The following ALK variants were observed in gnomAD, a reference collection of about 807,000 sequenced individuals.
ALK encodes the protein ALK tyrosine kinase receptor.
ALK carries 74 observed loss-of-function variants against 163.1 expected under a neutral mutation model. That is an observed-to-expected ratio of 0.45 (90% CI 0.38 to 0.55). ALK has a LOEUF of 0.55. Among genes scored for constraint, ALK ranks in the 20% least tolerant of loss-of-function variants. The pLI is 0.00. For synonymous variants in ALK, 960 were observed against 843.2 expected (o/e 1.14, Z -2.40); for missense variants, 2,063 against 2,105.3 (o/e 0.98, Z 0.39).
chr2:29,238,893 C>T (rs1664450463), intron 13 of ALK, among the ~76,000 whole-genome samples: 1 of 152,210 alleles, frequency 6.6e-6, no homozygotes, highest in Admixed American at 6.5e-5. Flanking sequence ...CGTGAAAAGA[C>T]ATAACTGATT....
chr2:29,310,113 A>G (rs1052628446), intron 8 of ALK, among the ~76,000 whole-genome samples: 6 of 152,174 alleles, frequency 3.9e-5, no homozygotes, highest in Non-Finnish European at 8.8e-5. Flanking sequence ...TTGAGGTCAT[A>G]TGGCTCCTCA....
chr2:29,537,814 G>A (rs1673301268), intron 3 of ALK, among the ~76,000 whole-genome samples: 2 of 152,260 alleles, frequency 1.3e-5, no homozygotes, highest in Non-Finnish European at 2.9e-5. Flanking sequence ...TAGGGGTGGA[G>A]CTGCCTAAGG....
At chr2:29,897,714 T>G (rs527546676) in intron 1 of ALK, among the ~76,000 whole-genome samples, 2 of 152,196 alleles carry the variant, frequency 1.3e-5, no homozygotes, top group Non-Finnish European at 2.9e-5. Flanking sequence ...ATTGTGTAAC[T>G]CAATCCTATT....
intron 1 of ALK, among the ~76,000 whole-genome samples, chr2:29,816,363 C>G (rs552844975): frequency 4.6e-5 from 7 of 152,248 alleles, no homozygotes; most frequent in African/African-American, 1.7e-4. Context: ...CGGGTTGTTG[C>G]ATCGATGAGA....
At position 29,384,769 on chromosome 2, in the gene ALK, A is replaced by G. The variant is rs900488776; in HGVS notation, c.1155-910T>C. Among the ~76,000 whole-genome samples the G allele has an allele frequency of 2.6e-5, 4 of 152,148 alleles. No homozygotes were observed. The South Asian group carries it at 8.3e-4, about 32-fold the overall frequency. ...CTTAAAAACAATTTTATTGAGGTAT[A>G]ATTGATGTATAATAAATTACATGTA... On this transcript the variant is annotated intron_variant, in intron 4 of 28. Transcript: ENST00000389048.
chr2:29,196,947 A>G lies in ALK; in HGVS notation c.4074-87T>C, dbSNP rs2148142269. 9 of 1,160,422 alleles carry G rather than the reference A, an allele frequency of 7.8e-6. No individual in the cohort carries two copies. In the South Asian group the frequency reaches 1.0e-4, roughly 13 times the overall value. 71.9% of individuals were successfully genotyped at this position (1,160,422 alleles called of 1,614,324 possible). A position where few individuals can be genotyped will look rare whatever the true frequency, so the allele number is the denominator to read the frequency against. ...TTCCAGCCCCAGGGTTGCAACGAATACGTTGAGGGTGCGAACTCGTCTAGG... is the reference window on the plus strand; with the variant it reads ...TTCCAGCCCCAGGGTTGCAACGAATGCGTTGAGGGTGCGAACTCGTCTAGG... On this transcript the variant is annotated intron_variant, in intron 27 of 28. Transcript: ENST00000389048.
At chr2:29,897,403 T>C (rs1377124249) in intron 1 of ALK, among the ~76,000 whole-genome samples, 1 of 151,348 alleles carries the variant, frequency 6.6e-6, no homozygotes. Context: ...AAAAGGAGAG[T>C]ACATTCACAT....
intron 1 of ALK, among the ~76,000 whole-genome samples, chr2:29,789,888 C>T (rs965888190): frequency 1.3e-5 from 2 of 152,188 alleles, no homozygotes; most frequent in African/African-American, 4.8e-5. Flanking sequence ...CATGGCCCCT[C>T]CAGGCCTCAG....
chr2:29,777,475 A>G lies in ALK; in HGVS notation c.668-59778T>C, dbSNP rs113997881. On this transcript the variant is annotated intron_variant, in intron 1 of 28. Coordinates refer to ENST00000389048, the MANE Select transcript of ALK (RefSeq NM_004304.5). ...CTACATCCCCTCTTGCCATCCATCT[A>G]TTTTGCTTATTGCTAGGTACCTAGG... is the stretch of plus-strand genomic sequence containing the variant. 5.4e-3 allele frequency among the ~76,000 whole-genome samples: 818 copies of G among 152,086 alleles called. 12 individuals carry two copies. The highest frequency in any genetic ancestry group is 0.018 in the African/African-American group (762 of 41,486).
rs1553386863 is a variant in ALK at position 29,193,343 on chromosome 2, C to T, written c.4744G>A (p.Val1582Ile). The change falls in exon 29 of 29, where the codon GTC becomes ATC. Residue 1582 changes from valine (V) to isoleucine (I), a missense_variant. This residue lies in a region of ALK where 403 missense variants were observed against 366.2 expected (regional missense o/e 1.10). Transcript: ENST00000389048. ...CCCTGTTGCTGGTAGCCGTAATTGACATTCCCACAAGGGAAGTGACGTAGC... is the reference window on the plus strand; with the variant it reads ...CCCTGTTGCTGGTAGCCGTAATTGATATTCCCACAAGGGAAGTGACGTAGC... ...FRLRHFPCGN[V>I]NYGYQQQGLP... The T allele has an allele frequency of 2.5e-6, 4 of 1,614,086 alleles. No individual in the cohort carries two copies. Among genetic ancestry groups the T allele is most frequent in the African/African-American group, 1.3e-5 (1 of 74,928 alleles).
intron 3 of ALK, among the ~76,000 whole-genome samples, chr2:29,669,758 T>C (rs1176010655): frequency 2.0e-5 from 3 of 152,072 alleles, no homozygotes; most frequent in African/African-American, 2.4e-5. Context: ...GATTCTACTA[T>C]AGGTTTTTAC....
At chr2:29,275,363 G>C (rs777924716) in intron 10 of ALK, 39 bp downstream of exon 10, 9 of 1,611,530 alleles carry the variant, frequency 5.6e-6, no homozygotes, top group Non-Finnish European at 7.6e-6. Context: ...TGGGCCATGG[G>C]GGTTGGGGGA....
Position 29,193,565 on chromosome 2 carries a change from C to T in ALK, c.4522G>A (p.Gly1508Ser), listed in dbSNP as rs764315254. ...GTGGGTTTCTCTGTAAACCAGGAGC[C>T]GTACGTTGGGTTCCACAAGCTGGTG... Reference protein sequence around the residue: ...KPTSLWNPTYGSWFTEKPTKK... With the variant: ...KPTSLWNPTYSSWFTEKPTKK... The change falls in exon 29 of 29, where the codon GGC becomes AGC. Residue 1508 changes from glycine (G) to serine (S), a missense_variant. Gly to Ser is a moderately conservative substitution (Grantham distance 56, BLOSUM62 0). This residue lies in a region of ALK where 403 missense variants were observed against 366.2 expected (regional missense o/e 1.10). Transcript: ENST00000389048. 8.7e-6 allele frequency: 14 copies of T among 1,614,070 alleles called. No homozygotes were observed. The East Asian group carries it at 8.9e-5, about 10-fold the overall frequency.
rs181094697 is a variant in ALK at position 29,403,921 on chromosome 2, A to T, written c.1155-20062T>A. Among the ~76,000 whole-genome samples the T allele has an allele frequency of 3.3e-3, 505 of 151,952 alleles. 3 individuals carry two copies. The highest frequency in any genetic ancestry group is 9.4e-3 in the South Asian group (45 of 4,772). Reference sequence around the variant, plus strand: ...AGAGAGACCCTGTCTCAAAAAAAAAATTTTTTTATTGACTCCTGAAGTAAA... The same window carrying T: ...AGAGAGACCCTGTCTCAAAAAAAAATTTTTTTTATTGACTCCTGAAGTAAA... On this transcript the variant is annotated intron_variant, in intron 4 of 28. Transcript: ENST00000389048.
In ALK at chr2:29,281,008, C is replaced by T. The variant is rs550730049; in HGVS notation, c.1818-5512G>A. Among the ~76,000 whole-genome samples, 19 of 152,126 alleles carry T rather than the reference C, an allele frequency of 1.2e-4. No homozygotes were observed. The South Asian group carries it at 3.7e-3, about 30-fold the overall frequency. ...TCTAGTATGTACCAGGTGATCCATT[C>T]TGGGATTGAAGAAAAGTTCTGGCAT... On this transcript the variant is annotated intron_variant, in intron 9 of 28. Transcript: ENST00000389048.
intron 1 of ALK, among the ~76,000 whole-genome samples, chr2:29,782,341 G>A (rs1224528680): frequency 1.3e-5 from 2 of 152,090 alleles, no homozygotes; most frequent in East Asian, 3.9e-4. Context: ...GTTTCTTCAT[G>A]GGACTCCATC....
intron 4 of ALK, among the ~76,000 whole-genome samples, chr2:29,401,844 C>A (rs902819046): frequency 6.6e-6 from 1 of 152,078 alleles, no homozygotes; most frequent in Non-Finnish European, 1.5e-5. Flanking sequence ...AATTATTGAG[C>A]CCAGAGGTAA....
intron 8 of ALK, among the ~76,000 whole-genome samples, chr2:29,309,441 G>A (rs75090281): frequency 0.15 from 22,177 of 152,218 alleles, 1,785 homozygotes; most frequent in Non-Finnish European, 0.18. Flanking sequence ...TCATGCAATG[G>A]GAGAGGTATT....
intron 1 of ALK, among the ~76,000 whole-genome samples, chr2:29,905,802 C>T (rs935982832): frequency 2.6e-5 from 4 of 151,842 alleles, no homozygotes; most frequent in Admixed American, 6.6e-5. Context: ...AGGCAGGATG[C>T]GAGGAATGGA....
Sources: gnomAD v4.1 joint callset for allele counts (sites outside exome capture counted in the v4.1 genomes callset) on GRCh38, gnomAD v4.1.1 for gene constraint, gnomAD v4.1.1 regional missense constraint, MANE v1.5 for transcripts, NCBI Gene and HGNC (gene_info 2026-07-23, HGNC 2026-07-21) for gene names.